The following NELL1 variants were observed in gnomAD, a reference collection of about 807,000 sequenced individuals.
The protein encoded by NELL1 is neural EGFL like 1.
A neutral mutation model predicts 107.4 loss-of-function variants in NELL1; 76 were observed. The ratio of observed to expected loss-of-function variants is 0.71; its 90% CI spans 0.59 to 0.86. The LOEUF (loss-of-function observed/expected upper bound fraction) is 0.86, where lower values mean the gene tolerates loss of function less well. Among genes scored for constraint, NELL1 ranks in the 40% least tolerant of loss-of-function variants. The pLI is 0.00. For synonymous variants in NELL1, 353 were observed against 341.2 expected (o/e 1.03, Z -0.38); for missense variants, 1,024 against 1,005.5 (o/e 1.02, Z -0.25).
chr11:21,005,398 T>C (rs1471151467), intron 12 of NELL1, among the ~76,000 whole-genome samples: 1 of 152,172 alleles, frequency 6.6e-6, no homozygotes, highest in African/African-American at 2.4e-5. Flanking sequence ...CAGGCTACAT[T>C]TCCACCCTGT....
chr11:21,190,457 C>T (rs759089740), intron 13 of NELL1, among the ~76,000 whole-genome samples: 7 of 151,832 alleles, frequency 4.6e-5, no homozygotes, highest in Non-Finnish European at 1.0e-4. Flanking sequence ...CTGGTGTCCC[C>T]TCATAGTCTG....
intron 12 of NELL1, among the ~76,000 whole-genome samples, chr11:21,069,022 C>T (rs868511763): frequency 1.8e-4 from 27 of 152,246 alleles, no homozygotes; most frequent in African/African-American, 6.3e-4. Flanking sequence ...AGAATACAAC[C>T]AGACACTGCT....
intron 13 of NELL1, among the ~76,000 whole-genome samples, chr11:21,167,711 T>TCCAGTA (rs1856516911): frequency 6.6e-6 from 1 of 151,872 alleles, no homozygotes; most frequent in Non-Finnish European, 1.5e-5. Flanking sequence ...GTTGGTCTTC[T>TCCAGTA]TTTCATTCCT....
intron 15 of NELL1, among the ~76,000 whole-genome samples, chr11:21,392,604 C>T (rs1168409135): frequency 6.6e-6 from 1 of 151,596 alleles, no homozygotes; most frequent in Non-Finnish European, 1.5e-5. Context: ...AAAGCTAGCC[C>T]CTTAGTTCTG....
chr11:20,956,580 A>G (rs1363423352), intron 11 of NELL1, among the ~76,000 whole-genome samples: 1 of 145,862 alleles, frequency 6.9e-6, no homozygotes, highest in Non-Finnish European at 1.5e-5. Context: ...CGGGAGGCAG[A>G]GCTTGCAGTG....
At chr11:21,468,689 C>A (rs754195148) in intron 15 of NELL1, among the ~76,000 whole-genome samples, 2 of 152,122 alleles carry the variant, frequency 1.3e-5, no homozygotes, top group East Asian at 1.9e-4. Flanking sequence ...TGATAAAATT[C>A]GAAAGCCCTC....
chr11:21,272,747 A>G (rs978191125), intron 14 of NELL1, among the ~76,000 whole-genome samples: 1 of 152,188 alleles, frequency 6.6e-6, no homozygotes, highest in Non-Finnish European at 1.5e-5. Context: ...CTGTTCACCA[A>G]TATCTGCTGT....
chr11:20,710,951 T>C (rs1855098111), intron 2 of NELL1, among the ~76,000 whole-genome samples: 1 of 152,080 alleles, frequency 6.6e-6, no homozygotes, highest in Non-Finnish European at 1.5e-5. Context: ...GGTTTCTTTA[T>C]TGTGTTTATC....
At chr11:20,725,219 A>G (rs1373698566) in intron 2 of NELL1, among the ~76,000 whole-genome samples, 1 of 152,222 alleles carries the variant, frequency 6.6e-6, no homozygotes, top group Admixed American at 6.5e-5. Flanking sequence ...GGAAGGGAGA[A>G]AAATTCATCT....
At chr11:21,410,958 T>C (rs1001889230) in intron 15 of NELL1, among the ~76,000 whole-genome samples, 5 of 152,078 alleles carry the variant, frequency 3.3e-5, no homozygotes, top group African/African-American at 9.7e-5. Context: ...GGTGATATCT[T>C]CTGAAGAGAA....
chr11:21,356,759 G>A (rs1335337372), intron 14 of NELL1, among the ~76,000 whole-genome samples: 1 of 152,120 alleles, frequency 6.6e-6, no homozygotes, highest in Non-Finnish European at 1.5e-5. Flanking sequence ...CATCACCCAA[G>A]CAGTGTACAC....
At chr11:21,501,633 C>T (rs1465951886) in intron 15 of NELL1, among the ~76,000 whole-genome samples, 3 of 152,146 alleles carry the variant, frequency 2.0e-5, no homozygotes, top group African/African-American at 7.2e-5. Context: ...TGGTTTATCC[C>T]ATCTGTTCTA....
chr11:20,852,986 G>T (rs922275280), intron 4 of NELL1, among the ~76,000 whole-genome samples: 1 of 152,212 alleles, frequency 6.6e-6, no homozygotes, highest in Non-Finnish European at 1.5e-5. Flanking sequence ...AGTAGGGGAA[G>T]CTCCTGGGGG....
chr11:21,384,942 T>G (rs901659054), intron 15 of NELL1, among the ~76,000 whole-genome samples: 16 of 151,010 alleles, frequency 1.1e-4, no homozygotes, highest in African/African-American at 3.7e-4. Flanking sequence ...TTATTACAAT[T>G]TTTTAATGTA....
chr11:20,740,929 A>C (rs1007803385), intron 2 of NELL1, among the ~76,000 whole-genome samples: 43 of 151,970 alleles, frequency 2.8e-4, no homozygotes, highest in African/African-American at 1.0e-3. Flanking sequence ...CCCAGCTCTA[A>C]TGTTTTATTT....
At chr11:21,284,638 G>T (rs1327295173) in intron 14 of NELL1, 2 of 407,124 alleles carry the variant, frequency 4.9e-6, no homozygotes, top group East Asian at 7.2e-5. Flanking sequence ...AACAGTGTCT[G>T]CACAGGTTTG....
At chr11:21,559,037 C>G (rs1196961134) in intron 16 of NELL1, among the ~76,000 whole-genome samples, 1 of 152,052 alleles carries the variant, frequency 6.6e-6, no homozygotes, top group African/African-American at 2.4e-5. Context: ...AAGGAGAAAT[C>G]ATTGTTCACT....
intron 15 of NELL1, among the ~76,000 whole-genome samples, chr11:21,482,822 T>C (rs1854526702): frequency 6.6e-6 from 1 of 151,768 alleles, no homozygotes; most frequent in African/African-American, 2.4e-5. Flanking sequence ...TGTTTGTTTT[T>C]CCCCCCAAGG....
chr11:21,445,167 C>T (rs1853390216), intron 15 of NELL1, among the ~76,000 whole-genome samples: 1 of 152,070 alleles, frequency 6.6e-6, no homozygotes, highest in African/African-American at 2.4e-5. Context: ...TTTATAGGTT[C>T]ATGTCTTTAT....
Sources: allele counts gnomAD v4.1 joint callset (sites outside exome capture counted in the v4.1 genomes callset), GRCh38; gene constraint gnomAD v4.1.1; transcripts MANE v1.5; gene names NCBI Gene and HGNC (gene_info 2026-07-23, HGNC 2026-07-21).